Variants in MAML2 observed in about 807,000 individuals in gnomAD.
MAML2 encodes mastermind like transcriptional coactivator 2, also known as mastermind-like protein 2.
A neutral mutation model predicts 96.1 loss-of-function variants in MAML2; 22 were observed. The observed-to-expected ratio is 0.23, with a 90% CI of 0.16 to 0.33. The LOEUF (loss-of-function observed/expected upper bound fraction) is 0.33, where lower values mean the gene tolerates loss of function less well. Ranked by LOEUF, MAML2 falls within the 10% of genes least tolerant of loss-of-function variation. MAML2 has a pLI of 1.00. For missense variants in MAML2, 1,367 were observed against 1,392.4 expected, an observed-to-expected ratio of 0.98 and a Z score of 0.29; for synonymous variants, 561 against 521.3, an observed-to-expected ratio of 1.08 and a Z score of -1.04.
intron 1 of MAML2, among the ~76,000 whole-genome samples, chr11:96,157,867 A>C (rs1302349713): frequency 1.3e-5 from 2 of 152,226 alleles, no homozygotes; most frequent in Non-Finnish European, 2.9e-5. Context: ...GAACTTCTGT[A>C]AACTTGCTAC....
At chr11:96,175,747 T>G (rs981766621) in intron 1 of MAML2, among the ~76,000 whole-genome samples, 1 of 152,094 alleles carries the variant, frequency 6.6e-6, no homozygotes, top group Admixed American at 6.5e-5. Flanking sequence ...CCCGCCACCA[T>G]GCCTGGCTAT....
chr11:96,291,247 T>C (rs1297201955), intron 1 of MAML2, among the ~76,000 whole-genome samples: 1 of 148,318 alleles, frequency 6.7e-6, no homozygotes, highest in African/African-American at 2.5e-5. Context: ...TGCCTCAGCC[T>C]CCTGAGTAGC....
intron 1 of MAML2, among the ~76,000 whole-genome samples, chr11:96,260,438 G>T (rs1243983459): frequency 2.0e-5 from 3 of 152,122 alleles, no homozygotes; most frequent in Non-Finnish European, 4.4e-5. Context: ...TTTTTCTTCA[G>T]TGTCTCTTGT....
Position 95,979,322 on chromosome 11 carries a change from T to A in MAML2, c.3097A>T (p.Ser1033Cys), listed in dbSNP as rs1204851793. 2 of 1,613,914 alleles carry A rather than the reference T, an allele frequency of 1.2e-6. No individual in the cohort carries two copies. The highest frequency in any genetic ancestry group is 1.7e-6 in the Non-Finnish European group (2 of 1,179,852). The change falls in exon 5 of 5, where the codon AGC becomes TGC. Residue 1033 changes from serine to cysteine, a missense_variant. Transcript: ENST00000524717. Reference protein sequence around the residue: ...AVQMRPMNQMSQTLNGQTMGP... With the variant: ...AVQMRPMNQMCQTLNGQTMGP... ...ATGGTTTGCCCATTTAGTGTTTGGCTCATTTGGTTCATGGGTCTCATTTGC... is the reference window on the plus strand; with the variant it reads ...ATGGTTTGCCCATTTAGTGTTTGGCACATTTGGTTCATGGGTCTCATTTGC...
chr11:96,106,980 C>CTTTTTTTTTTTTTTTTTTTTTTTTTTTT, intron 1 of MAML2, among the ~76,000 whole-genome samples: 1 of 90,320 alleles, frequency 1.1e-5, no homozygotes, highest in South Asian at 4.8e-4. Context: ...GAAAAGAGTC[C>CTTTTTTTTTTTTTTTTTTTTTTTTTTTT]TTTTTTTTTT....
At chr11:96,252,023 C>A (rs1862588539) in intron 1 of MAML2, among the ~76,000 whole-genome samples, 1 of 152,136 alleles carries the variant, frequency 6.6e-6, no homozygotes, top group Admixed American at 6.5e-5. Context: ...TGAGCCACCG[C>A]GCCCAGTCAA....
At chr11:96,041,975 ATT>A (rs549945518) in intron 2 of MAML2, among the ~76,000 whole-genome samples, 21,075 of 121,380 alleles carry the variant, frequency 0.17, 1,812 homozygotes, top group East Asian at 0.31. Flanking sequence ...CGCCCGGCTA[ATT>A]TTTTTTTTTT....
intron 2 of MAML2, among the ~76,000 whole-genome samples, chr11:96,054,136 T>G (rs1859028088): frequency 6.6e-6 from 1 of 152,180 alleles, no homozygotes; most frequent in Non-Finnish European, 1.5e-5. Context: ...GATTGGAATT[T>G]TAAAGGTTCT....
At chr11:96,212,178 G>A (rs966533461) in intron 1 of MAML2, among the ~76,000 whole-genome samples, 1 of 146,678 alleles carries the variant, frequency 6.8e-6, no homozygotes, top group Non-Finnish European at 1.5e-5. Context: ...TCTCATTTGT[G>A]GATACAATTT....
At chr11:96,328,914 A>G (rs61268846) in intron 1 of MAML2, among the ~76,000 whole-genome samples, 3,371 of 152,278 alleles carry the variant, frequency 0.022, 116 homozygotes, top group African/African-American at 0.077. Flanking sequence ...AAGCAGACAC[A>G]TATTTAAAAA....
intron 2 of MAML2, among the ~76,000 whole-genome samples, chr11:96,085,300 C>A (rs1259888785): frequency 6.6e-6 from 1 of 152,150 alleles, no homozygotes; most frequent in Non-Finnish European, 1.5e-5. Context: ...CTGTTTGAAA[C>A]CCAGAACTCC....
chr11:96,288,653 G>A (rs531985154), intron 1 of MAML2, among the ~76,000 whole-genome samples: 4 of 151,776 alleles, frequency 2.6e-5, no homozygotes, highest in Non-Finnish European at 5.9e-5. Context: ...TATTATTCAC[G>A]TAATATTAAT....
intron 1 of MAML2, among the ~76,000 whole-genome samples, chr11:96,290,101 C>G (rs767302554): frequency 5.9e-5 from 9 of 152,132 alleles, no homozygotes; most frequent in Non-Finnish European, 1.0e-4. Flanking sequence ...TTCTTAATGG[C>G]TGGTGCCTAT....
At chr11:96,121,885 C>G (rs1364768674) in intron 1 of MAML2, among the ~76,000 whole-genome samples, 1 of 139,688 alleles carries the variant, frequency 7.2e-6, no homozygotes, top group African/African-American at 2.7e-5. Context: ...CTCCCGGGTT[C>G]ACGCGATTCT....
intron 1 of MAML2, among the ~76,000 whole-genome samples, chr11:96,113,479 T>C (rs374876497): frequency 4.6e-5 from 7 of 152,236 alleles, no homozygotes; most frequent in African/African-American, 1.7e-4. Context: ...ACTTTTATTT[T>C]AGTCTCCCAC....
At chr11:96,229,129 ATAACT>A (rs1188949451) in intron 1 of MAML2, among the ~76,000 whole-genome samples, 3 of 152,176 alleles carry the variant, frequency 2.0e-5, no homozygotes, top group African/African-American at 7.2e-5. Flanking sequence ...TTCTTACCAA[ATAACT>A]TAAGAATGTC....
chr11:96,110,018 C>G (rs1329885612), intron 1 of MAML2, among the ~76,000 whole-genome samples: 1 of 151,950 alleles, frequency 6.6e-6, no homozygotes, highest in Non-Finnish European at 1.5e-5. Flanking sequence ...AGATGAAGAG[C>G]TGAACGATTA....
At chr11:95,981,881 TTTAA>T in intron 4 of MAML2, among the ~76,000 whole-genome samples, 1 of 152,280 alleles carries the variant, frequency 6.6e-6, no homozygotes, top group Non-Finnish European at 1.5e-5. Context: ...CGCCCTGTAT[TTTAA>T]TGATATGGCC....
At chr11:96,034,456 A>AGAGAGAGAGTGT (rs766634690) in intron 2 of MAML2, among the ~76,000 whole-genome samples, 118 of 144,828 alleles carry the variant, frequency 8.1e-4, no homozygotes, top group African/African-American at 1.9e-3. Context: ...AGAGAGAGAG[A>AGAGAGAGAGTGT]GTGTGTGTGT....
Sources: allele counts gnomAD v4.1 joint callset (sites outside exome capture counted in the v4.1 genomes callset), GRCh38; gene constraint gnomAD v4.1.1; transcripts MANE v1.5; gene names NCBI Gene and HGNC (gene_info 2026-07-23, HGNC 2026-07-21).